NBPF10: variants seen among roughly 807,000 people sequenced by gnomAD.
NBPF10 encodes the protein NBPF member 10.
Under a neutral mutation model 77.9 loss-of-function variants are expected in NBPF10, and 63 were observed. The observed-to-expected ratio is 0.81, with a 90% CI of 0.66 to 1.00. NBPF10 has a LOEUF of 1.00. NBPF10 is among the 50% of genes least tolerant of loss of function. The pLI is 0.00. For missense variants in NBPF10, 522 were observed against 679.8 expected (o/e 0.77, Z 2.58); for synonymous variants, 146 against 264.5 (o/e 0.55, Z 4.35).
Position 146,142,887 on chromosome 1 carries a change from C to T in NBPF10, c.176-135G>A, listed in dbSNP as rs1395913526. The T allele has an allele frequency of 4.1e-6, 2 of 486,400 alleles. 1 individual carries two copies. The allele number at this position is 486,400 out of a possible 1,614,324, so 30.1% of individuals were successfully genotyped here. On this transcript the variant is annotated intron_variant, in intron 1 of 89. Transcript: ENST00000583866. ...ACCAGGGTCTAGACAGGGATTTCCA[C>T]ATCTTTACTCTTCAGTCTCCTGACT...
At chr1:146,067,712 C>A (rs1156500134) in intron 88 of NBPF10, among the ~76,000 whole-genome samples, 3 of 149,812 alleles carry the variant, frequency 2.0e-5, no homozygotes, top group Non-Finnish European at 3.0e-5. Context: ...ACCCTTGAGT[C>A]AAAATCACAG....
chr1:146,129,816 A>G (rs2102186658), intron 11 of NBPF10, among the ~76,000 whole-genome samples: 1 of 68,480 alleles, frequency 1.5e-5, no homozygotes, highest in African/African-American at 7.3e-5. Context: ...CCTACAAGCC[A>G]GAAGAGAGTG....
exon 8 of NBPF10, chr1:146,135,488 T>G: frequency 1.4e-6 from 1 of 709,992 alleles, no homozygotes; most frequent in Non-Finnish European, 2.3e-6. Context: ...GGGTCAGCTC[T>G]CGTTCCTGAG....
At chr1:146,076,300 C>CAG (rs1263133381) in intron 77 of NBPF10, among the ~76,000 whole-genome samples, 6 of 9,268 alleles carry the variant, frequency 6.5e-4, no homozygotes, top group African/African-American at 1.1e-3. Flanking sequence ...CACACACACA[C>CAG]ACAGAGAGAG....
chr1:146,126,469 G>C (rs1332249962), intron 13 of NBPF10, 61 bp from the exon 14 acceptor site: 2 of 769,848 alleles, frequency 2.6e-6, no homozygotes, highest in South Asian at 2.7e-5. Flanking sequence ...CACAGCCCCA[G>C]CTAGATTTCA....
At chr1:146,067,476 T>A (rs1343683685) in intron 88 of NBPF10, among the ~76,000 whole-genome samples, 188 bp from the exon 89 acceptor site, 3 of 139,752 alleles carry the variant, frequency 2.1e-5, no homozygotes, top group Admixed American at 1.5e-4. Context: ...TCCCAGAAAC[T>A]GTGGGTAAAA....
intron 88 of NBPF10, among the ~76,000 whole-genome samples, chr1:146,067,582 C>T (rs112610920): frequency 6.7e-6 from 1 of 150,292 alleles, no homozygotes; most frequent in African/African-American, 2.5e-5. Context: ...AAAGCAAATA[C>T]CCTCAATGAT....
chr1:146,076,288 C>CAA (rs1656041836), intron 77 of NBPF10, among the ~76,000 whole-genome samples: 11 of 13,020 alleles, frequency 8.4e-4, no homozygotes, highest in African/African-American at 1.6e-3. Flanking sequence ...CACACACACA[C>CAA]ACACACACAC....
intron 7 of NBPF10, among the ~76,000 whole-genome samples, chr1:146,136,107 G>T (rs1249950288): frequency 2.7e-5 from 4 of 150,224 alleles, no homozygotes; most frequent in African/African-American, 9.9e-5. Flanking sequence ...TTAATTTTGT[G>T]TTATGTAAAT....
At chr1:146,118,725 GAGAA>G (rs1657963773) in intron 23 of NBPF10, among the ~76,000 whole-genome samples, 183 bp from the exon 24 acceptor site, 1 of 4,286 alleles carries the variant, frequency 2.3e-4, no homozygotes, top group African/African-American at 1.1e-3. Context: ...AAGAATGAAA[GAGAA>G]AGACAGATAG....
At chr1:146,067,406 G>A in intron 88 of NBPF10, 118 bp from the exon 89 acceptor site, 1 of 324,254 alleles carries the variant, frequency 3.1e-6, no homozygotes. Flanking sequence ...ATAGGACACT[G>A]TGAGAGATAT....
chr1:146,067,932 T>G (rs1329424408), intron 88 of NBPF10, 71 bp downstream of exon 88: 7 of 685,774 alleles, frequency 1.0e-5, no homozygotes, highest in East Asian at 5.7e-5. Flanking sequence ...CAAGGGCCAC[T>G]TGGAATAGGA....
chr1:146,136,908 T>A (rs4068072), intron 6 of NBPF10, among the ~76,000 whole-genome samples: 563 of 120,824 alleles, frequency 4.7e-3, no homozygotes, highest in South Asian at 0.01. Context: ...GAAAGATTTT[T>A]AAAATCTTTG....
chr1:146,126,671 A>T (rs1444674168), intron 13 of NBPF10, among the ~76,000 whole-genome samples: 2 of 146,028 alleles, frequency 1.4e-5, no homozygotes, highest in Admixed American at 1.4e-4. Flanking sequence ...TGACACACTG[A>T]TGAGGGAGTC....
intron 5 of NBPF10, among the ~76,000 whole-genome samples, chr1:146,138,800 T>A (rs1659972735): frequency 7.2e-6 from 1 of 139,518 alleles, no homozygotes; most frequent in East Asian, 2.1e-4. Context: ...TTGTTTTTTG[T>A]TTGAGACGGA....
At chr1:146,142,216 C>A (rs1553797662) in intron 2 of NBPF10, among the ~76,000 whole-genome samples, 1 of 111,378 alleles carries the variant, frequency 9.0e-6, no homozygotes, top group East Asian at 3.2e-4. Context: ...GCAGATGGGG[C>A]GAATTGAAAA....
intron 17 of NBPF10, 61 bp downstream of exon 17, chr1:146,123,865 TC>T: frequency 2.7e-6 from 1 of 368,062 alleles, no homozygotes; most frequent in Non-Finnish European, 4.5e-6. Flanking sequence ...CGCTCTGTTT[TC>T]CCTGAACCAG....
exon 88 of NBPF10, chr1:146,068,079 A>G: frequency 1.9e-6 from 1 of 536,970 alleles, no homozygotes; most frequent in South Asian, 1.9e-5. Context: ...GGCCTAAGTC[A>G]GGCAGTTCAA....
intron 7 of NBPF10, among the ~76,000 whole-genome samples, chr1:146,135,908 T>G (rs587756939): frequency 9.7e-5 from 14 of 144,546 alleles, no homozygotes; most frequent in South Asian, 2.3e-4. Flanking sequence ...TGAGGCCAGG[T>G]GCAGATGGGG....
Sources: allele counts gnomAD v4.1 joint callset (sites outside exome capture counted in the v4.1 genomes callset), GRCh38; gene constraint gnomAD v4.1.1; transcripts MANE v1.5; gene names NCBI Gene and HGNC (gene_info 2026-07-23, HGNC 2026-07-21).